Variants in SPOCK1 observed in about 807,000 individuals in gnomAD.
SPOCK1 encodes SPARC (osteonectin), cwcv and kazal like domains proteoglycan 1.
Under a neutral mutation model 55.3 loss-of-function variants are expected in SPOCK1, and 23 were observed. The ratio of observed to expected loss-of-function variants is 0.42; its 90% CI spans 0.30 to 0.59. The LOEUF (loss-of-function observed/expected upper bound fraction) is 0.59. Among genes scored for constraint, SPOCK1 ranks in the 20% least tolerant of loss-of-function variants. The probability of loss-of-function intolerance (pLI) is 0.22; values close to 1 mark genes in which losing one functional copy is unlikely to be tolerated. For missense variants in SPOCK1, 499 were observed against 552.5 expected, an observed-to-expected ratio of 0.90 and a Z score of 0.97; for synonymous variants, 226 against 221.0, an observed-to-expected ratio of 1.02 and a Z score of -0.20.
chr5:137,002,296 A>C (rs1751167763), intron 6 of SPOCK1, among the ~76,000 whole-genome samples: 1 of 152,184 alleles, frequency 6.6e-6, no homozygotes, highest in African/African-American at 2.4e-5. Flanking sequence ...CTTGATTCTA[A>C]TGATAATCTT....
intron 3 of SPOCK1, among the ~76,000 whole-genome samples, chr5:137,176,980 T>C (rs1754866058): frequency 6.6e-6 from 1 of 152,164 alleles, no homozygotes; most frequent in East Asian, 1.9e-4. Flanking sequence ...TGCTTTCTTT[T>C]TTTGAAAGTT....
intron 2 of SPOCK1, among the ~76,000 whole-genome samples, chr5:137,423,034 G>C (rs1040565681): frequency 1.3e-5 from 2 of 152,222 alleles, no homozygotes; most frequent in African/African-American, 4.8e-5. Flanking sequence ...GTCTGTTGGA[G>C]TTTGCTGGAG....
chr5:137,247,253 C>A (rs960987531), intron 3 of SPOCK1, among the ~76,000 whole-genome samples: 2 of 152,058 alleles, frequency 1.3e-5, no homozygotes, highest in African/African-American at 4.8e-5. Flanking sequence ...GTGCCTGGCC[C>A]AGGGCCTGGC....
intron 4 of SPOCK1, among the ~76,000 whole-genome samples, chr5:137,137,448 T>C (rs1754005350): frequency 6.6e-6 from 1 of 152,208 alleles, no homozygotes; most frequent in African/African-American, 2.4e-5. Flanking sequence ...TCAACTGATA[T>C]CGTGGACTGA....
chr5:137,453,928 T>C (rs1037701283), intron 2 of SPOCK1, among the ~76,000 whole-genome samples: 2 of 152,066 alleles, frequency 1.3e-5, no homozygotes, highest in Admixed American at 6.6e-5. Flanking sequence ...TTCTCCAAAC[T>C]AAATTTAGCT....
At chr5:137,251,344 T>A (rs1353851237) in intron 3 of SPOCK1, among the ~76,000 whole-genome samples, 2 of 152,184 alleles carry the variant, frequency 1.3e-5, no homozygotes, top group African/African-American at 4.8e-5. Flanking sequence ...AGGAAAGCAA[T>A]CATACTTGTC....
At chr5:137,263,927 T>C (rs926622324) in intron 3 of SPOCK1, among the ~76,000 whole-genome samples, 3 of 151,972 alleles carry the variant, frequency 2.0e-5, no homozygotes, top group Admixed American at 2.0e-4. Context: ...TGCCTTAGAG[T>C]CAATTACATG....
rs1180045955 is a variant in SPOCK1 at position 137,276,934 on chromosome 5, T to C, written c.187-9879A>G. Among the ~76,000 whole-genome samples the C allele has an allele frequency of 4.6e-5, 7 of 152,306 alleles. No homozygotes were observed. The East Asian group carries it at 1.3e-3, about 29-fold the overall frequency. ...CTGAGCCAAAATCTGATACAAGATTTAGGACTTGCATCAAATCAAAGCCCA... is the reference window on the plus strand; with the variant it reads ...CTGAGCCAAAATCTGATACAAGATTCAGGACTTGCATCAAATCAAAGCCCA... On this transcript the variant is annotated intron_variant, in intron 2 of 10. Transcript: ENST00000394945.
chr5:137,141,642 G>A (rs1246507067), intron 3 of SPOCK1, among the ~76,000 whole-genome samples: 1 of 152,192 alleles, frequency 6.6e-6, no homozygotes, highest in African/African-American at 2.4e-5. Context: ...TCAATTTCTA[G>A]GGCAAGGATT....
intron 3 of SPOCK1, among the ~76,000 whole-genome samples, chr5:137,243,818 C>T (rs938985462): frequency 1.3e-4 from 20 of 152,124 alleles, no homozygotes; most frequent in Admixed American, 2.6e-4. Flanking sequence ...GATTCCATAA[C>T]GACTCGAAAC....
chr5:137,450,239 T>C (rs1354646558), intron 2 of SPOCK1, among the ~76,000 whole-genome samples: 2 of 152,176 alleles, frequency 1.3e-5, no homozygotes, highest in Admixed American at 1.3e-4. Flanking sequence ...AGGACTTGTG[T>C]CTCCACACCT....
chr5:137,483,911 C>T (rs1222406353), intron 2 of SPOCK1, among the ~76,000 whole-genome samples: 1 of 152,200 alleles, frequency 6.6e-6, no homozygotes, highest in African/African-American at 2.4e-5. Context: ...AGACAGCACC[C>T]GGGGAAGCCC....
intron 2 of SPOCK1, among the ~76,000 whole-genome samples, chr5:137,393,376 G>A (rs1394428901): frequency 6.6e-6 from 1 of 152,188 alleles, no homozygotes; most frequent in Non-Finnish European, 1.5e-5. Context: ...CTAGCTTCTA[G>A]GAGATGAGAC....
At chr5:137,044,526 T>C (rs1379943716) in intron 6 of SPOCK1, among the ~76,000 whole-genome samples, 1 of 152,238 alleles carries the variant, frequency 6.6e-6, no homozygotes, top group African/African-American at 2.4e-5. Flanking sequence ...TATTTTTTTG[T>C]ATTTAAGATG....
intron 2 of SPOCK1, among the ~76,000 whole-genome samples, chr5:137,317,395 C>G (rs73294935): frequency 0.061 from 9,300 of 152,202 alleles, 524 homozygotes; most frequent in African/African-American, 0.14. Context: ...TCAGGGGATT[C>G]GTCCCTGACC....
intron 2 of SPOCK1, among the ~76,000 whole-genome samples, chr5:137,328,185 A>G (rs1758111089): frequency 6.6e-6 from 1 of 152,238 alleles, no homozygotes. Context: ...GTGATTCTGT[A>G]GAATCTGTAC....
intron 6 of SPOCK1, among the ~76,000 whole-genome samples, chr5:137,036,811 CACTT>C (rs1176658796): frequency 7.9e-5 from 12 of 152,192 alleles, no homozygotes; most frequent in South Asian, 2.1e-4. Context: ...GCTTCATAAA[CACTT>C]ACTTAGCAAG....
intron 5 of SPOCK1, among the ~76,000 whole-genome samples, chr5:137,089,186 T>C (rs1399317889): frequency 1.3e-5 from 2 of 152,170 alleles, no homozygotes; most frequent in Non-Finnish European, 2.9e-5. Flanking sequence ...ATCCCCCTCT[T>C]TGTCCCTGCT....
intron 2 of SPOCK1, among the ~76,000 whole-genome samples, chr5:137,327,426 A>G (rs140477927): frequency 2.9e-3 from 446 of 152,380 alleles, no homozygotes; most frequent in Admixed American, 4.2e-3. Flanking sequence ...AATAGATTCT[A>G]GAGTATAACA....
Sources: allele counts gnomAD v4.1 joint callset (sites outside exome capture counted in the v4.1 genomes callset), GRCh38; gene constraint gnomAD v4.1.1; transcripts MANE v1.5; gene names NCBI Gene and HGNC (gene_info 2026-07-23, HGNC 2026-07-21).